Variants in AP4S1 observed in about 807,000 individuals in gnomAD.
AP4S1 encodes adaptor related protein complex 4 subunit sigma 1.
AP4S1 carries 23 observed loss-of-function variants against 19.8 expected under a neutral mutation model. The ratio of observed to expected loss-of-function variants is 1.16; its 90% CI spans 0.84 to 1.65. The LOEUF is 1.65. Ranked by LOEUF, AP4S1 falls within the 40% of genes most tolerant of loss-of-function variation. The pLI is 0.00. For missense variants in AP4S1, 166 were observed against 172.8 expected (o/e 0.96, Z 0.22); for synonymous variants, 46 against 54.1 (o/e 0.85, Z 0.66).
intron 4 of AP4S1, 29 bp from the exon 5 acceptor site, chr14:31,080,544 A>C: frequency 4.4e-6 from 7 of 1,583,068 alleles, no homozygotes; most frequent in Non-Finnish European, 6.1e-6. Context: ...TCTTTTTTCT[A>C]ACCCTTGCAC....
At chr14:31,058,621 G>A (rs922503638) in intron 1 of AP4S1, among the ~76,000 whole-genome samples, 1 of 151,690 alleles carries the variant, frequency 6.6e-6, no homozygotes, top group African/African-American at 2.4e-5. Flanking sequence ...GAGTAGGAGT[G>A]CAGTGTTGTG....
At chr14:31,060,721 C>G (rs573866491) in intron 1 of AP4S1, among the ~76,000 whole-genome samples, 70 of 152,304 alleles carry the variant, frequency 4.6e-4, no homozygotes, top group Non-Finnish European at 8.2e-4. Context: ...GTTCCCCAGC[C>G]TCTGTATTTG....
intron 1 of AP4S1, among the ~76,000 whole-genome samples, chr14:31,038,589 A>G (rs1403129076): frequency 1.3e-5 from 2 of 152,198 alleles, no homozygotes; most frequent in Non-Finnish European, 2.9e-5. Context: ...AGGCAAACCC[A>G]GAGGTAATGA....
intron 5 of AP4S1, among the ~76,000 whole-genome samples, chr14:31,082,843 C>T (rs1369547297): frequency 6.6e-6 from 1 of 151,682 alleles, no homozygotes; most frequent in African/African-American, 2.4e-5. Context: ...TTGCAGTGAG[C>T]CGAGATTGCG....
chr14:31,089,850 T>C (rs1389407976), intron 5 of AP4S1, among the ~76,000 whole-genome samples: 1 of 152,112 alleles, frequency 6.6e-6, no homozygotes, highest in Non-Finnish European at 1.5e-5. Flanking sequence ...ACCTAGGAGA[T>C]GGAGGTTACA....
intron 1 of AP4S1, among the ~76,000 whole-genome samples, chr14:31,050,527 C>T (rs1422071426): frequency 6.6e-6 from 1 of 151,850 alleles, no homozygotes; most frequent in Non-Finnish European, 1.5e-5. Flanking sequence ...TGAGGCTGGT[C>T]TCAAACTCCT....
chr14:31,090,744 TACA>T (rs1888055001), intron 5 of AP4S1, among the ~76,000 whole-genome samples: 1 of 152,262 alleles, frequency 6.6e-6, no homozygotes, highest in Non-Finnish European at 1.5e-5. Flanking sequence ...CACCAGGGTG[TACA>T]AGTTGCTCAT....
intron 2 of AP4S1, among the ~76,000 whole-genome samples, chr14:31,066,789 C>G (rs1886740610): frequency 6.6e-6 from 1 of 152,094 alleles, no homozygotes; most frequent in Admixed American, 6.6e-5. Flanking sequence ...ATTCTCAAAT[C>G]GGGTGGTTTT....
chr14:31,050,873 T>A (rs1466349244), intron 1 of AP4S1, among the ~76,000 whole-genome samples: 1 of 152,132 alleles, frequency 6.6e-6, no homozygotes, highest in Non-Finnish European at 1.5e-5. Flanking sequence ...ACTGTGATGG[T>A]TTTTTAGTCT....
At chr14:31,034,696 C>G (rs868259112) in intron 1 of AP4S1, among the ~76,000 whole-genome samples, 1 of 148,894 alleles carries the variant, frequency 6.7e-6, no homozygotes, top group Non-Finnish European at 1.5e-5. Flanking sequence ...CGGCTCACTG[C>G]AACCTCCGCC....
Position 31,025,758 on chromosome 14 carries a change from G to A in AP4S1, c.-101G>A, listed in dbSNP as rs147839434. 1.8e-4 allele frequency: 205 copies of A among 1,127,332 alleles called. No individual in the cohort carries two copies. In the African/African-American group the frequency reaches 2.9e-3, roughly 16 times the overall value. The allele number at this position is 1,127,332 out of a possible 1,614,324, so 69.8% of individuals were successfully genotyped here. On this transcript the variant is annotated 5_prime_UTR_variant, in exon 1 of 6. Coordinates refer to ENST00000542754, the MANE Select transcript of AP4S1 (RefSeq NM_001128126.3). ...GAGGGGGACTCCAGGAAAAGCCGTTGAGAGGACCATCACAACCTGAGCAGC... is the reference window on the plus strand; with the variant it reads ...GAGGGGGACTCCAGGAAAAGCCGTTAAGAGGACCATCACAACCTGAGCAGC...
intron 1 of AP4S1, among the ~76,000 whole-genome samples, chr14:31,048,936 C>A (rs954066394): frequency 6.6e-6 from 1 of 151,920 alleles, no homozygotes; most frequent in African/African-American, 2.4e-5. Context: ...TAGGACTATC[C>A]TATTAGTTAT....
At chr14:31,082,827 C>T (rs569750632) in intron 5 of AP4S1, among the ~76,000 whole-genome samples, 8 of 150,748 alleles carry the variant, frequency 5.3e-5, no homozygotes, top group Non-Finnish European at 7.4e-5. Context: ...ACCCGGGAGG[C>T]GGAGCTTGCA....
At chr14:31,042,188 A>T (rs1417716530) in intron 1 of AP4S1, among the ~76,000 whole-genome samples, 1 of 152,238 alleles carries the variant, frequency 6.6e-6, no homozygotes, top group African/African-American at 2.4e-5. Context: ...AATAAAAGAA[A>T]GATAATTTTA....
intron 1 of AP4S1, among the ~76,000 whole-genome samples, chr14:31,058,006 T>C (rs1219363647): frequency 6.6e-6 from 1 of 151,364 alleles, no homozygotes. Flanking sequence ...CATAGCTCAC[T>C]GTAGCCTAGA....
At chr14:31,086,563 A>G (rs1887922740) in intron 5 of AP4S1, 1 of 152,082 alleles carries the variant, frequency 6.6e-6, no homozygotes, top group South Asian at 2.1e-4. Context: ...ACAGGCATGC[A>G]CCACCGCACC....
intron 3 of AP4S1, 111 bp from the exon 4 acceptor site, chr14:31,072,794 G>A (rs1019951023): frequency 4.0e-5 from 33 of 824,664 alleles, no homozygotes; most frequent in African/African-American, 6.7e-5. Context: ...TCACATTATC[G>A]GTTCACTAAG....
intron 5 of AP4S1, 44 bp downstream of exon 5, chr14:31,080,628 A>G: frequency 1.2e-6 from 2 of 1,613,318 alleles, no homozygotes; most frequent in Non-Finnish European, 1.7e-6. Flanking sequence ...TGGCAAATGC[A>G]CTCTGGTCCT....
At chr14:31,082,882 C>T (rs980613026) in intron 5 of AP4S1, among the ~76,000 whole-genome samples, 3 of 146,292 alleles carry the variant, frequency 2.1e-5, no homozygotes, top group Admixed American at 1.4e-4. Flanking sequence ...GGCGACAGAG[C>T]GAGACTCCGT....
Sources: gnomAD v4.1 joint callset for allele counts (sites outside exome capture counted in the v4.1 genomes callset) on GRCh38, gnomAD v4.1.1 for gene constraint, MANE v1.5 for transcripts, NCBI Gene and HGNC (gene_info 2026-07-23, HGNC 2026-07-21) for gene names.